DMRTB1: variants seen among roughly 807,000 people sequenced by gnomAD.
DMRTB1 encodes DMRT like family B with proline rich C-terminal 1.
Under a neutral mutation model 25.2 loss-of-function variants are expected in DMRTB1, and 9 were observed. The observed-to-expected ratio is 0.36, with a 90% confidence interval of 0.22 to 0.62. DMRTB1 has a LOEUF of 0.62. Among genes scored for constraint, DMRTB1 ranks in the 20% least tolerant of loss-of-function variants. The probability of loss-of-function intolerance (pLI) is 0.71; values close to 1 mark genes in which losing one functional copy is unlikely to be tolerated. For missense variants in DMRTB1, 551 were observed against 499.3 expected, an observed-to-expected ratio of 1.10 and a Z score of -0.99; for synonymous variants, 269 against 238.1, an observed-to-expected ratio of 1.13 and a Z score of -1.20.
rs1363628640 is a variant in DMRTB1 at position 53,459,679 on chromosome 1, C to T, written c.226C>T (p.Gln76Ter). Residue 76 changes from glutamine to a stop codon, truncating the protein, a stop_gained, in exon 1 of 4, where the codon CAG (glutamine) becomes TAG (stop). Coordinates refer to ENST00000371445, the MANE Select transcript of DMRTB1 (RefSeq NM_033067.3). LOFTEE classifies it high-confidence loss of function. ...EAALCAQGPK[Q>*]ASGAAAAAPA... is the part of the protein sequence containing the mutation. ...GGCCCTGTGTGCGCAGGGGCCCAAG[C>T]AGGCCTCCGGGGCTGCGGCCGCCGC... 1 of 1,540,056 alleles carries T rather than the reference C, an allele frequency of 6.5e-7. No individual in the cohort carries two copies. The highest frequency in any genetic ancestry group is 8.8e-7 in the Non-Finnish European group (1 of 1,142,692).
chr1:53,461,569 T>C lies in DMRTB1; in HGVS notation c.674T>C (p.Leu225Pro). ...HPYCPFPLGY[L>P]DAPPGVPLQQ... Reference sequence around the variant, plus strand: ...TACTGCCCGTTCCCGCTGGGCTACCTGGACGCCCCTCCTGGCGTCCCCCTG... The same window carrying C: ...TACTGCCCGTTCCCGCTGGGCTACCCGGACGCCCCTCCTGGCGTCCCCCTG... The change falls in exon 2 of 4, where the codon CTG becomes CCG. Residue 225 changes from leucine (L) to proline (P), a missense_variant. Transcript: ENST00000371445. The C allele has an allele frequency of 6.2e-7, 1 of 1,611,866 alleles. No individual in the cohort carries two copies. Among genetic ancestry groups the C allele is most frequent in the Non-Finnish European group, 8.5e-7 (1 of 1,179,126 alleles).
chr1:53,459,516 G>A lies in DMRTB1; in HGVS notation c.63G>A (p.Val21=), dbSNP rs1644004651. 1 of 1,613,242 alleles carries A rather than the reference G, an allele frequency of 6.2e-7. No individual in the cohort carries two copies. The highest frequency in any genetic ancestry group is 1.1e-5 in the South Asian group (1 of 91,074). ...GATGCAGGAACCATGGCTTCCTGGT[G>A]CCCGTCAAGGGACACGCGGGCAAAT... ...CSRCRNHGFL[V]PVKGHAGKCR... is the part of the protein sequence containing the mutation. The change falls in exon 1 of 4, where the codon GTG becomes GTA. Residue 21 remains valine, a synonymous_variant. Coordinates refer to ENST00000371445, the MANE Select transcript of DMRTB1 (RefSeq NM_033067.3).
At chr1:53,462,988 A>G (rs1644030152) in intron 2 of DMRTB1, among the ~76,000 whole-genome samples, 1 of 152,232 alleles carries the variant, frequency 6.6e-6, no homozygotes, top group African/African-American at 2.4e-5. Flanking sequence ...CAGCGCTCTG[A>G]TTGACAGGCC....
chr1:53,466,034 G>T (rs1644048280), intron 3 of DMRTB1, among the ~76,000 whole-genome samples: 1 of 152,206 alleles, frequency 6.6e-6, no homozygotes, highest in African/African-American at 2.4e-5. Flanking sequence ...GAGCTGTGGA[G>T]TATCTTGCTA....
chr1:53,463,814 A>G (rs1409163111), intron 2 of DMRTB1, among the ~76,000 whole-genome samples: 2 of 152,216 alleles, frequency 1.3e-5, no homozygotes, highest in African/African-American at 4.8e-5. Flanking sequence ...GCATCTGGAT[A>G]GAGAAGTGAA....
At position 53,466,758 on chromosome 1, in the gene DMRTB1, A is replaced by G; in HGVS notation, c.*96A>G. The G allele has an allele frequency of 7.9e-7, 1 of 1,273,852 alleles. No individual in the cohort carries two copies. Among genetic ancestry groups the G allele is most frequent in the African/African-American group, 1.5e-5 (1 of 67,452 alleles). 78.9% of individuals were successfully genotyped at this position (1,273,852 alleles called of 1,614,324 possible). A position where few individuals can be genotyped will look rare whatever the true frequency, so the allele number is the denominator to read the frequency against. ...ATTCAGTGATATGTAGGGAGGAAGG[A>G]GGTTGATAGCATAGATGGCAACTGA... On this transcript the variant is annotated 3_prime_UTR_variant, in exon 4 of 4. Coordinates refer to ENST00000371445, the MANE Select transcript of DMRTB1 (RefSeq NM_033067.3).
chr1:53,459,469 G>A lies in DMRTB1; in HGVS notation c.16G>A (p.Val6Met). MADKM[V>M]RTPKCSRCRN... is the part of the protein sequence containing the mutation. ...GACCCTGCCAATGGCCGACAAAATG[G>A]TGCGCACCCCCAAGTGCTCGAGATG... The change falls in exon 1 of 4, where the codon GTG (valine) becomes ATG (methionine). Residue 6 changes from valine (V) to methionine (M), a missense_variant. Transcript: ENST00000371445. 1 of 1,613,126 alleles carries A rather than the reference G, an allele frequency of 6.2e-7. No homozygotes were observed. The highest frequency in any genetic ancestry group is 8.5e-7 in the Non-Finnish European group (1 of 1,180,010).
intron 2 of DMRTB1, 21 bp downstream of exon 2, chr1:53,461,666 C>T: frequency 6.5e-7 from 1 of 1,529,032 alleles, no homozygotes; most frequent in African/African-American, 1.4e-5. Context: ...CCCCTCACTT[C>T]TTGCCAGCTT....
intron 1 of DMRTB1, 53 bp downstream of exon 1, chr1:53,460,083 C>T: frequency 6.7e-7 from 1 of 1,495,904 alleles, no homozygotes; most frequent in Non-Finnish European, 8.8e-7. Flanking sequence ...CAGCCCAGGC[C>T]AGCCCGGATG....
At chr1:53,462,096 G>A (rs1208816392) in intron 2 of DMRTB1, among the ~76,000 whole-genome samples, 1 of 152,198 alleles carries the variant, frequency 6.6e-6, no homozygotes, top group African/African-American at 2.4e-5. Context: ...TGGCATTTGA[G>A]CGGAGTCATG....
chr1:53,463,389 C>T (rs1644031860), intron 2 of DMRTB1, among the ~76,000 whole-genome samples: 2 of 152,178 alleles, frequency 1.3e-5, no homozygotes, highest in Non-Finnish European at 2.9e-5. Flanking sequence ...TTCTGCCTCC[C>T]CCGTCGTGTC....
chr1:53,466,498 TTAAAA>T (rs796437939), intron 3 of DMRTB1, 92 bp from the exon 4 acceptor site: 107 of 1,282,564 alleles, frequency 8.3e-5, no homozygotes, highest in African/African-American at 6.6e-4. Context: ...CTCAAAAAAA[TTAAAA>T]TAAAATAAGA....
chr1:53,459,419 A>AGGT lies in DMRTB1; in HGVS notation c.-28_-26dup. The AGGT allele has an allele frequency of 6.2e-7, 1 of 1,612,496 alleles. No individual in the cohort carries two copies. On this transcript the variant is annotated 5_prime_UTR_variant, in exon 1 of 4. Transcript: ENST00000371445. ...GCGCCACTTGCTCTGCAGCTCCCAG[A>AGGT]GGTGGTGGTTGTGTTACGAAGGCTG...
chr1:53,464,629 C>T lies in DMRTB1; in HGVS notation c.751-8C>T, dbSNP rs754640485. 1 of 1,613,084 alleles carries T rather than the reference C, an allele frequency of 6.2e-7. No homozygotes were observed. Among genetic ancestry groups the T allele is most frequent in the Admixed American group, 1.7e-5 (1 of 60,018 alleles). On this transcript the variant is annotated splice_region_variant and splice_polypyrimidine_tract_variant and intron_variant, in intron 2 of 3. Coordinates refer to ENST00000371445, the MANE Select transcript of DMRTB1 (RefSeq NM_033067.3). ...CCTCTCCGCCTCTCTGCTGTGTGTG[C>T]CGTGCAGGTGTCAGAACCAGGAGGA...
rs113391783 is a variant in DMRTB1 at position 53,463,334 on chromosome 1, C to A, written c.751-1303C>A. On this transcript the variant is annotated intron_variant, in intron 2 of 3. Coordinates refer to ENST00000371445, the MANE Select transcript of DMRTB1 (RefSeq NM_033067.3). The stretch of plus-strand genomic sequence containing the variant: ...GCTTGGCTTCCTCTGCCCTCCTGTT[C>A]ACAGGACAGCACTGGCCCTGGAGGT... Among the ~76,000 whole-genome samples the A allele has an allele frequency of 2.6e-3, 390 of 152,254 alleles. 1 individual carries two copies. The highest frequency in any genetic ancestry group is 9.0e-3 in the African/African-American group (374 of 41,540).
Position 53,460,022 on chromosome 1 carries a change from C to A in DMRTB1, c.569C>A (p.Thr190Asn), listed in dbSNP as rs752639417. Residue 190 changes from threonine (T) to asparagine (N), a missense_variant, in exon 1 of 4, where the codon ACC becomes AAC. Thr to Asn is a moderately conservative substitution (Grantham distance 65, BLOSUM62 0). Transcript: ENST00000371445. The stretch of plus-strand genomic sequence containing the variant: ...CGGACCGTGCCCGGCCCACTGTTCA[C>A]CGACTTTGGTAAGTCGTGGCCTTGG... ...PMRTVPGPLF[T>N]DFVRPLNINP... The A allele has an allele frequency of 1.9e-6, 3 of 1,578,078 alleles. No individual in the cohort carries two copies. Among genetic ancestry groups the A allele is most frequent in the East Asian group, 2.3e-5 (1 of 42,818 alleles).
At position 53,459,779 on chromosome 1, in the gene DMRTB1, C is replaced by T. The variant is rs1312443670; in HGVS notation, c.326C>T (p.Pro109Leu). 1 of 1,386,616 alleles carries T rather than the reference C, an allele frequency of 7.2e-7. No homozygotes were observed. The highest frequency in any genetic ancestry group is 9.3e-7 in the Non-Finnish European group (1 of 1,073,220). 85.9% of individuals were successfully genotyped at this position (1,386,616 alleles called of 1,614,324 possible). ...GGGACTCCCTCCGGAGACGCCGACC[C>T]GGGACCCGAGGGCCGCGCGGCCGCT... Reference protein sequence around the residue: ...SPGTPSGDADPGPEGRAAACF... With the variant: ...SPGTPSGDADLGPEGRAAACF... Residue 109 changes from proline (P) to leucine (L), a missense_variant, in exon 1 of 4, where the codon CCG becomes CTG. Pro to Leu is a moderately conservative substitution (Grantham distance 98). Coordinates refer to ENST00000371445, the MANE Select transcript of DMRTB1 (RefSeq NM_033067.3).
At position 53,461,585 on chromosome 1, in the gene DMRTB1, C is replaced by G; in HGVS notation, c.690C>G (p.Gly230=). 1 of 1,610,760 alleles carries G rather than the reference C, an allele frequency of 6.2e-7. No individual in the cohort carries two copies. The highest frequency in any genetic ancestry group is 8.5e-7 in the Non-Finnish European group (1 of 1,178,790). Reference sequence around the variant, plus strand: ...TGGGCTACCTGGACGCCCCTCCTGGCGTCCCCCTGCAGCAGGGCTTCCGGC... The same window carrying G: ...TGGGCTACCTGGACGCCCCTCCTGGGGTCCCCCTGCAGCAGGGCTTCCGGC... ...FPLGYLDAPP[G]VPLQQGFRHV... Residue 230 remains glycine (G), a synonymous_variant, in exon 2 of 4, where the codon GGC becomes GGG. Transcript: ENST00000371445.
At chr1:53,466,284 A>T (rs1224050153) in intron 3 of DMRTB1, among the ~76,000 whole-genome samples, 1 of 152,180 alleles carries the variant, frequency 6.6e-6, no homozygotes, top group Non-Finnish European at 1.5e-5. Flanking sequence ...TGAGGTCAGG[A>T]GTTCAAGACC....
Sources: gnomAD v4.1 joint callset for allele counts (sites outside exome capture counted in the v4.1 genomes callset) on GRCh38, gnomAD v4.1.1 for gene constraint, MANE v1.5 for transcripts, NCBI Gene and HGNC (gene_info 2026-07-23, HGNC 2026-07-21) for gene names.